The following VPS35L variants were observed in gnomAD, a reference collection of about 807,000 sequenced individuals.
The protein encoded by VPS35L is VPS35 endosomal protein sorting factor like, also known as VPS35 endosomal protein-sorting factor-like.
VPS35L carries 83 observed loss-of-function variants against 133.0 expected under a neutral mutation model. That is an observed-to-expected ratio of 0.62 (90% CI 0.52 to 0.75). The LOEUF (loss-of-function observed/expected upper bound fraction) is 0.75, where lower values mean the gene tolerates loss of function less well. Ranked by LOEUF, VPS35L falls within the 30% of genes least tolerant of loss-of-function variation. The pLI is 0.00. For missense variants in VPS35L, 1,083 were observed against 1,206.8 expected (o/e 0.90, Z 1.52); for synonymous variants, 423 against 449.9 (o/e 0.94, Z 0.76).
chr16:19,571,984 A>G (rs1405314681), intron 3 of VPS35L, among the ~76,000 whole-genome samples: 3 of 151,864 alleles, frequency 2.0e-5, no homozygotes, highest in Non-Finnish European at 4.4e-5. Flanking sequence ...CCATTCCTCT[A>G]CTGATGTATC....
At chr16:19,661,202 C>T (rs1051493599) in intron 26 of VPS35L, among the ~76,000 whole-genome samples, 3 of 151,810 alleles carry the variant, frequency 2.0e-5, no homozygotes, top group African/African-American at 7.3e-5. Flanking sequence ...TTTGTAATGG[C>T]TGTTTGGTAT....
At chr16:19,653,712 T>TG (rs1321707139) in intron 26 of VPS35L, among the ~76,000 whole-genome samples, 2 of 152,252 alleles carry the variant, frequency 1.3e-5, no homozygotes, top group African/African-American at 2.4e-5. Context: ...CCTCACCACT[T>TG]GTTGCCATTG....
chr16:19,558,540 T>C (rs1307305988), intron 1 of VPS35L, among the ~76,000 whole-genome samples: 2 of 152,192 alleles, frequency 1.3e-5, no homozygotes, highest in African/African-American at 4.8e-5. Flanking sequence ...ATCCCTGCTA[T>C]ATTTTGGCCT....
chr16:19,589,606 C>A (rs773342509), intron 7 of VPS35L, among the ~76,000 whole-genome samples: 1 of 152,082 alleles, frequency 6.6e-6, no homozygotes, highest in African/African-American at 2.4e-5. Context: ...GTTTAGGAAG[C>A]GGCACCAAAG....
intron 1 of VPS35L, among the ~76,000 whole-genome samples, chr16:19,557,337 C>T (rs1467417932): frequency 2.0e-5 from 3 of 152,250 alleles, no homozygotes; most frequent in East Asian, 1.9e-4. Flanking sequence ...GGTGCCATAA[C>T]GCTTTTAGTA....
intron 14 of VPS35L, among the ~76,000 whole-genome samples, chr16:19,622,175 T>TC (rs1567431353): frequency 7.3e-6 from 1 of 137,146 alleles, no homozygotes; most frequent in African/African-American, 2.7e-5. Context: ...GACGGAGTCC[T>TC]GCTCTGTCAC....
chr16:19,558,011 A>C (rs1469421326), intron 1 of VPS35L, among the ~76,000 whole-genome samples: 1 of 152,128 alleles, frequency 6.6e-6, no homozygotes, highest in East Asian at 1.9e-4. Context: ...CGGAGGTTGC[A>C]GTGAGCCAAG....
intron 27 of VPS35L, among the ~76,000 whole-genome samples, chr16:19,680,911 C>T (rs954670576): frequency 1.9e-5 from 2 of 103,950 alleles, no homozygotes; most frequent in African/African-American, 9.6e-5. Context: ...TGTCTCAGAA[C>T]CCGCCCCCCC....
chr16:19,636,461 C>A (rs150246432), intron 19 of VPS35L, among the ~76,000 whole-genome samples: 1 of 152,246 alleles, frequency 6.6e-6, no homozygotes, highest in East Asian at 1.9e-4. Flanking sequence ...CAAAAAATTT[C>A]TTGTTCTAAA....
At chr16:19,664,571 T>C (rs1277338538) in intron 26 of VPS35L, among the ~76,000 whole-genome samples, 2 of 148,302 alleles carry the variant, frequency 1.3e-5, no homozygotes, top group African/African-American at 5.0e-5. Context: ...ACTGGAAATA[T>C]AAGCAGAAAA....
rs1336072941 is a variant in VPS35L, at chr16:19,569,476, C to T, written c.170C>T (p.Thr57Met). 20 of 1,607,920 alleles carry T rather than the reference C, an allele frequency of 1.2e-5. No individual in the cohort carries two copies. Among genetic ancestry groups the T allele is most frequent in the South Asian group, 2.2e-5 (2 of 89,864 alleles). ...KVNRKGSTSSTSSSSSSSVVD... is the reference protein window; with the variant it reads ...KVNRKGSTSSMSSSSSSSVVD... ...AACCGGAAAGGAAGCACTTCTTCCA[C>T]GTCCTCCTCCTCCTCCAGCTCCGTG... The change falls in exon 3 of 31, where the codon ACG (threonine) becomes ATG (methionine). Residue 57 changes from threonine to methionine, a missense_variant. Transcript: ENST00000417362.
intron 30 of VPS35L, among the ~76,000 whole-genome samples, chr16:19,700,110 A>G (rs999225407): frequency 2.6e-5 from 4 of 152,222 alleles, no homozygotes; most frequent in Non-Finnish European, 5.9e-5. Context: ...AACAAAGAAC[A>G]AAAGCATAGC....
At chr16:19,589,483 G>A (rs1308846222) in intron 7 of VPS35L, among the ~76,000 whole-genome samples, 2 of 152,018 alleles carry the variant, frequency 1.3e-5, no homozygotes, top group Admixed American at 1.3e-4. Context: ...GGGCCCAGGC[G>A]ATCTTCCTGC....
At chr16:19,661,225 T>A (rs1974476370) in intron 26 of VPS35L, among the ~76,000 whole-genome samples, 1 of 151,756 alleles carries the variant, frequency 6.6e-6, no homozygotes, top group Admixed American at 6.6e-5. Context: ...TGTTTCTTCT[T>A]TTTTTTTGGA....
At chr16:19,620,675 G>A (rs1308066592) in intron 14 of VPS35L, among the ~76,000 whole-genome samples, 2 of 152,118 alleles carry the variant, frequency 1.3e-5, no homozygotes, top group Non-Finnish European at 2.9e-5. Flanking sequence ...ATTAGGCCAG[G>A]CGTGGTGGCA....
chr16:19,603,719 T>C (rs1340250895), intron 9 of VPS35L, among the ~76,000 whole-genome samples: 1 of 152,050 alleles, frequency 6.6e-6, no homozygotes, highest in Non-Finnish European at 1.5e-5. Flanking sequence ...ATTTGGGAAA[T>C]CTGAATTGTT....
intron 14 of VPS35L, among the ~76,000 whole-genome samples, chr16:19,624,630 G>C (rs953683488): frequency 2.0e-5 from 3 of 151,932 alleles, no homozygotes; most frequent in Admixed American, 2.0e-4. Context: ...TACTTATGTA[G>C]AGATGGGATC....
In VPS35L at chr16:19,616,201, C is replaced by A. The variant is rs1972887583; in HGVS notation, c.1101+10C>A. 1.3e-6 allele frequency: 2 copies of A among 1,596,718 alleles called. No individual in the cohort carries two copies. The highest frequency in any genetic ancestry group is 2.7e-5 in the African/African-American group (2 of 74,568). On this transcript the variant is annotated intron_variant, in intron 13 of 30. Coordinates refer to ENST00000417362, the MANE Select transcript of VPS35L (RefSeq NM_020314.7). ...CCTTACGTTCAAACAGGTAAGAGAA[C>A]ACTATCAGAATAGCTCATCGATATA...
chr16:19,603,203 G>A lies in VPS35L; in HGVS notation c.784+1480G>A, dbSNP rs542745617. On this transcript the variant is annotated intron_variant, in intron 9 of 30. Transcript: ENST00000417362. Reference sequence around the variant, plus strand: ...GGACCCATCTTGTTTCATCAGAGATGGGCAGACCCAGTACGGAAGAGTCTT... The same window carrying A: ...GGACCCATCTTGTTTCATCAGAGATAGGCAGACCCAGTACGGAAGAGTCTT... Among the ~76,000 whole-genome samples, 19 of 152,220 alleles carry A rather than the reference G, an allele frequency of 1.2e-4. No homozygotes were observed. In the South Asian group the frequency reaches 3.9e-3, roughly 32 times the overall value.
Sources: allele counts gnomAD v4.1 joint callset (sites outside exome capture counted in the v4.1 genomes callset), GRCh38; gene constraint gnomAD v4.1.1; transcripts MANE v1.5; gene names NCBI Gene and HGNC (gene_info 2026-07-23, HGNC 2026-07-21).